The following SMARCA2 variants were observed in gnomAD, a reference collection of about 807,000 sequenced individuals.
The protein encoded by SMARCA2 is SWI/SNF related BAF chromatin remodeling complex subunit ATPase 2.
A neutral mutation model predicts 199.8 loss-of-function variants in SMARCA2; 61 were observed. The observed-to-expected ratio is 0.31, with a 90% CI of 0.25 to 0.38. The LOEUF is 0.38. SMARCA2 is among the 10% of genes least tolerant of loss of function. The pLI, the probability that SMARCA2 is intolerant of heterozygous loss-of-function variation, is 1.00. For synonymous variants in SMARCA2, 935 were observed against 732.0 expected (o/e 1.28, Z -4.48); for missense variants, 1,344 against 2,012.2 (o/e 0.67, Z 6.35).
intron 27 of SMARCA2, chr9:2,158,986 C>T (rs768356406): frequency 1.2e-6 from 2 of 1,611,946 alleles, no homozygotes; most frequent in Non-Finnish European, 1.7e-6. Context: ...ATGGTCAGTA[C>T]TTTGTGTGTT....
chr9:2,150,681 C>G (rs1436756038), intron 27 of SMARCA2, among the ~76,000 whole-genome samples: 1 of 151,560 alleles, frequency 6.6e-6, no homozygotes, highest in African/African-American at 2.4e-5. Flanking sequence ...TTTAGTTACC[C>G]TATGTAATAG....
intron 29 of SMARCA2, among the ~76,000 whole-genome samples, chr9:2,176,465 CTTTTCAGTCTCCT>C (rs1363169413): frequency 6.6e-6 from 1 of 152,028 alleles, no homozygotes; most frequent in Non-Finnish European, 1.5e-5. Flanking sequence ...TGAGTGAACC[CTTTTCAGTCTCCT>C]AACAGGGAAC....
At chr9:2,052,122 T>G (rs1054651881) in intron 5 of SMARCA2, among the ~76,000 whole-genome samples, 1 of 152,220 alleles carries the variant, frequency 6.6e-6, no homozygotes, top group Admixed American at 6.5e-5. Context: ...TACAAAACTT[T>G]CAGTCTTTTG....
rs77546941 is a variant in SMARCA2, at chr9:2,065,522, C to A, written c.1692+4536C>A. ...GACTGTGATATTTTGCAGGTTGAACCTTCCTGGCATAATGTATTGGCCAAC... is the reference window on the plus strand; with the variant it reads ...GACTGTGATATTTTGCAGGTTGAACATTCCTGGCATAATGTATTGGCCAAC... On this transcript the variant is annotated intron_variant, in intron 9 of 33. Transcript: ENST00000349721. Among the ~76,000 whole-genome samples, 26 of 152,240 alleles carry A rather than the reference C, an allele frequency of 1.7e-4. No individual in the cohort carries two copies. In the East Asian group the frequency reaches 4.2e-3, roughly 25 times the overall value.
rs754052480 is a variant in SMARCA2, at chr9:2,029,055, C to T, written c.33C>T (p.Pro11=). MSTPTDPGAM[P]HPGPSPGPGP... ...CGCCCACAGACCCTGGTGCGATGCC[C>T]CACCCAGGGCCTTCGCCGGGGCCTG... The change falls in exon 2 of 34, where the codon CCC becomes CCT. Residue 11 remains proline (P), a synonymous_variant. Coordinates refer to ENST00000349721, the MANE Select transcript of SMARCA2 (RefSeq NM_003070.5). 1.3e-6 allele frequency: 2 copies of T among 1,556,284 alleles called. No homozygotes were observed. The highest frequency in any genetic ancestry group is 1.7e-6 in the Non-Finnish European group (2 of 1,149,568).
intron 27 of SMARCA2, among the ~76,000 whole-genome samples, chr9:2,143,104 G>A (rs1011111158): frequency 6.6e-6 from 1 of 152,164 alleles, no homozygotes; most frequent in Non-Finnish European, 1.5e-5. Flanking sequence ...GCTAGTACAG[G>A]GGAAGGAGGG....
intron 27 of SMARCA2, among the ~76,000 whole-genome samples, chr9:2,138,626 G>A (rs1228823656): frequency 6.6e-6 from 1 of 152,152 alleles, no homozygotes; most frequent in African/African-American, 2.4e-5. Flanking sequence ...ATGGGCTCAG[G>A]TGTCAGATGA....
chr9:2,164,688 G>A (rs1825854377), intron 28 of SMARCA2, among the ~76,000 whole-genome samples: 1 of 152,182 alleles, frequency 6.6e-6, no homozygotes, highest in African/African-American at 2.4e-5. Context: ...CAGTGGTACT[G>A]TTTATTGAGT....
chr9:2,165,290 T>C (rs1052538259), intron 28 of SMARCA2, among the ~76,000 whole-genome samples: 24 of 152,316 alleles, frequency 1.6e-4, no homozygotes, highest in African/African-American at 5.5e-4. Context: ...CATGAGACAG[T>C]TGTTTAAAAG....
At chr9:2,069,838 T>C (rs80300934) in intron 9 of SMARCA2, among the ~76,000 whole-genome samples, 6,002 of 152,240 alleles carry the variant, frequency 0.039, 325 homozygotes, top group African/African-American at 0.12. Flanking sequence ...ATTACCTGGG[T>C]ATATTGCATG....
At chr9:2,113,454 T>G (rs1269251825) in intron 24 of SMARCA2, among the ~76,000 whole-genome samples, 1 of 152,238 alleles carries the variant, frequency 6.6e-6, no homozygotes, top group Non-Finnish European at 1.5e-5. Flanking sequence ...CCTAAGTCAG[T>G]GTGATGAAGT....
intron 8 of SMARCA2, among the ~76,000 whole-genome samples, chr9:2,060,183 A>G (rs2130360740): frequency 6.6e-6 from 1 of 151,712 alleles, no homozygotes; most frequent in African/African-American, 2.4e-5. Flanking sequence ...GTTAACCACA[A>G]AGTTTGTAAT....
In SMARCA2 at chr9:2,056,873, C is replaced by T. The variant is rs1283047040; in HGVS notation, c.1347+28C>T. On this transcript the variant is annotated intron_variant, in intron 7 of 33. Coordinates refer to ENST00000349721, the MANE Select transcript of SMARCA2 (RefSeq NM_003070.5). This position sits in a 1 kb window ranked among gnomAD's most constrained non-coding sequence, Gnocchi z 4.0. The stretch of plus-strand genomic sequence containing the variant: ...TCTTAGACCCTGGGCTTTGCTCACC[C>T]TCACTTTGGCAGAGCTGTCCAATGA... 5.6e-6 allele frequency: 9 copies of T among 1,602,168 alleles called. No individual in the cohort carries two copies. The highest frequency in any genetic ancestry group is 7.7e-6 in the Non-Finnish European group (9 of 1,173,368).
At chr9:2,168,669 A>G (rs974452033) in intron 28 of SMARCA2, among the ~76,000 whole-genome samples, 3 of 152,258 alleles carry the variant, frequency 2.0e-5, no homozygotes, top group Admixed American at 6.5e-5. Flanking sequence ...TCTTTCTAAA[A>G]TAAGTTTTCG....
At chr9:2,082,025 C>T (rs186103756) in intron 15 of SMARCA2, 30 bp downstream of exon 15, 32 of 1,596,746 alleles carry the variant, frequency 2.0e-5, no homozygotes, top group African/African-American at 4.0e-5. Flanking sequence ...CCACAGTCAT[C>T]GTTCTGTATG....
intron 13 of SMARCA2, among the ~76,000 whole-genome samples, chr9:2,077,180 T>G (rs1465905462): frequency 6.6e-6 from 1 of 152,074 alleles, no homozygotes; most frequent in Non-Finnish European, 1.5e-5. Context: ...CCTTTAATGT[T>G]GGGTTGCCCT....
chr9:2,033,215 G>T, intron 3 of SMARCA2, 134 bp downstream of exon 3: 1 of 908,954 alleles, frequency 1.1e-6, no homozygotes. Flanking sequence ...TTTCCTTATG[G>T]AAATCTACCT....
At chr9:2,150,436 G>T (rs1213224394) in intron 27 of SMARCA2, among the ~76,000 whole-genome samples, 1 of 151,586 alleles carries the variant, frequency 6.6e-6, no homozygotes, top group Non-Finnish European at 1.5e-5. Context: ...TCTCCATCAG[G>T]TGAGACTAGG....
At chr9:2,167,385 G>C (rs186573614) in intron 28 of SMARCA2, among the ~76,000 whole-genome samples, 1 of 152,322 alleles carries the variant, frequency 6.6e-6, no homozygotes, top group East Asian at 1.9e-4. Flanking sequence ...TCAATTGCTC[G>C]AAGACAATTC....
Sources: gnomAD v4.1 joint callset for allele counts (sites outside exome capture counted in the v4.1 genomes callset) on GRCh38, gnomAD v4.1.1 for gene constraint, Gnocchi (gnomAD v3.1) non-coding constraint, MANE v1.5 for transcripts, NCBI Gene and HGNC (gene_info 2026-07-23, HGNC 2026-07-21) for gene names.